Variants in DGKG observed in about 807,000 individuals in gnomAD.
DGKG encodes DAG kinase gamma.
In DGKG, 78 loss-of-function variants were observed where a neutral mutation model predicts 105.3. The ratio of observed to expected loss-of-function variants is 0.74; its 90% CI spans 0.62 to 0.89. The LOEUF is 0.89. Ranked by LOEUF, DGKG falls within the 40% of genes least tolerant of loss-of-function variation. DGKG has a pLI of 0.00. For missense variants in DGKG, 958 were observed against 1,020.1 expected (o/e 0.94, Z 0.83); for synonymous variants, 346 against 367.1 (o/e 0.94, Z 0.66).
chr3:186,202,468 G>A (rs1328759435), intron 21 of DGKG, among the ~76,000 whole-genome samples: 2 of 152,232 alleles, frequency 1.3e-5, no homozygotes, highest in African/African-American at 4.8e-5. Context: ...GAAAAGGATT[G>A]TAATGTTTCT....
At chr3:186,260,276 C>T (rs1408125864) in intron 16 of DGKG, among the ~76,000 whole-genome samples, 163 bp downstream of exon 16, 10 of 151,974 alleles carry the variant, frequency 6.6e-5, no homozygotes, top group Non-Finnish European at 1.2e-4. Context: ...TGAGTATCTC[C>T]AGGAGTCAGA....
intron 2 of DGKG, among the ~76,000 whole-genome samples, chr3:186,309,812 G>A (rs531785787): frequency 1.3e-5 from 2 of 152,138 alleles, no homozygotes; most frequent in South Asian, 4.1e-4. Flanking sequence ...CTAAAGAGCT[G>A]CTGCTCTATT....
At chr3:186,299,804 T>TCTTTCTTTCTTTCTTTCTTTCTTTCTTA (rs1723798478) in intron 3 of DGKG, among the ~76,000 whole-genome samples, 1 of 99,192 alleles carries the variant, frequency 1.0e-5, no homozygotes, top group African/African-American at 4.0e-5. Context: ...TTTCTTTCTT[T>TCTTTCTTTCTTTCTTTCTTTCTTTCTTA]CTTTCTTTCT....
At chr3:186,150,590 A>T (rs1271048032) in intron 24 of DGKG, among the ~76,000 whole-genome samples, 2 of 152,156 alleles carry the variant, frequency 1.3e-5, no homozygotes, top group Non-Finnish European at 2.9e-5. Flanking sequence ...AGTTCTTCAG[A>T]TTCCCAGCCT....
intron 3 of DGKG, among the ~76,000 whole-genome samples, chr3:186,299,835 TTC>T (rs1723821841): frequency 8.8e-6 from 1 of 113,204 alleles, no homozygotes; most frequent in African/African-American, 3.4e-5. Context: ...CTTTCTTTCT[TTC>T]TTTTTTTTTT....
chr3:186,288,222 T>C (rs575079362), intron 6 of DGKG, among the ~76,000 whole-genome samples: 14 of 152,106 alleles, frequency 9.2e-5, no homozygotes, highest in African/African-American at 9.7e-5. Context: ...GGGGCATAGG[T>C]AGAGAAATGG....
At chr3:186,289,894 G>A (rs143931691) in intron 5 of DGKG, among the ~76,000 whole-genome samples, 2 of 152,278 alleles carry the variant, frequency 1.3e-5, no homozygotes, top group African/African-American at 2.4e-5. Context: ...CCAAGCAATG[G>A]GAGTGAATAT....
chr3:186,287,950 T>C (rs1723145000), intron 6 of DGKG, among the ~76,000 whole-genome samples: 1 of 152,238 alleles, frequency 6.6e-6, no homozygotes, highest in African/African-American at 2.4e-5. Flanking sequence ...AATACAGATT[T>C]TTTAACAAGG....
intron 2 of DGKG, among the ~76,000 whole-genome samples, chr3:186,310,147 A>G (rs1436208482): frequency 4.0e-5 from 6 of 150,770 alleles, no homozygotes; most frequent in Non-Finnish European, 8.9e-5. Context: ...CGTGCCTGTA[A>G]TCCCAGCTAC....
intron 5 of DGKG, among the ~76,000 whole-genome samples, chr3:186,295,289 T>C (rs766132540): frequency 9.9e-5 from 15 of 151,976 alleles, no homozygotes; most frequent in Non-Finnish European, 2.1e-4. Context: ...GATCACGAGG[T>C]CAGGAGATCG....
Position 186,240,416 on chromosome 3 carries a change from T to C in DGKG, c.1826+2088A>G, listed in dbSNP as rs1216909883. ...CCTGTAGAACAGTGTCTGGTGTGCA[T>C]TACGTTTTCAAAAGATCTGCTGAAT... On this transcript the variant is annotated intron_variant, in intron 20 of 24. Coordinates refer to ENST00000265022, the MANE Select transcript of DGKG (RefSeq NM_001346.3). 7.9e-5 allele frequency among the ~76,000 whole-genome samples: 12 copies of C among 152,296 alleles called. No individual in the cohort carries two copies. In the East Asian group the frequency reaches 2.3e-3, roughly 29 times the overall value.
Position 186,355,471 on chromosome 3 carries a change from C to A in DGKG, c.-249+6475G>T, listed in dbSNP as rs558927353. Among the ~76,000 whole-genome samples the A allele has an allele frequency of 8.9e-4, 132 of 147,798 alleles. 1 individual carries two copies. The highest frequency in any genetic ancestry group is 3.3e-3 in the African/African-American group (126 of 38,706). On this transcript the variant is annotated intron_variant, in intron 1 of 24. Coordinates refer to ENST00000265022, the MANE Select transcript of DGKG (RefSeq NM_001346.3). ...GATCATCACCACCATTATCATAACC[C>A]CCACAACCACTACCATCACCACTAT...
chr3:186,339,374 A>T (rs965011294), intron 1 of DGKG, among the ~76,000 whole-genome samples: 2 of 152,230 alleles, frequency 1.3e-5, no homozygotes, highest in Non-Finnish European at 2.9e-5. Context: ...TGATGTTGAC[A>T]TGGTTGACTG....
At chr3:186,175,135 C>T (rs1046715232) in intron 22 of DGKG, among the ~76,000 whole-genome samples, 2 of 152,166 alleles carry the variant, frequency 1.3e-5, no homozygotes, top group Non-Finnish European at 2.9e-5. Flanking sequence ...CCTCAGTTTC[C>T]TCCAGTTGAG....
At position 186,297,625 on chromosome 3, in the gene DGKG, G is replaced by A. The variant is rs112850236; in HGVS notation, c.311-142C>T. ...TTATGTGTCAGCTGGGTTCATGCTC[G>A]CTTATTGGGATTGGCTGTGTCTCCC... On this transcript the variant is annotated intron_variant, in intron 4 of 24. Transcript: ENST00000265022. 133 of 657,412 alleles carry A rather than the reference G, an allele frequency of 2.0e-4. No individual in the cohort carries two copies. The East Asian group carries it at 2.4e-3, about 12-fold the overall frequency. 40.7% of individuals were successfully genotyped at this position (657,412 alleles called of 1,614,324 possible).
intron 20 of DGKG, among the ~76,000 whole-genome samples, chr3:186,236,036 A>T (rs1300998138): frequency 1.3e-5 from 2 of 152,106 alleles, no homozygotes. Context: ...TTGGCACTGG[A>T]CTTCGAATCT....
At chr3:186,227,398 C>T (rs746528721) in intron 20 of DGKG, among the ~76,000 whole-genome samples, 25 of 152,250 alleles carry the variant, frequency 1.6e-4, no homozygotes, top group Non-Finnish European at 2.9e-4. Flanking sequence ...GTAACTTTCC[C>T]AATGGCACAC....
Position 186,188,263 on chromosome 3 carries a change from A to G in DGKG, c.2034T>C (p.Ala678=). The change falls in exon 22 of 25, where the codon GCT becomes GCC. Residue 678 remains alanine (A), a synonymous_variant. Transcript: ENST00000265022. The part of the protein sequence containing the change: ...NLWGENKKNR[A]VIRESRKGVT... ...CACCCTTCCTGCTTTCCCGGATCACAGCCCGGTTCTTCTTGTTTTCTCCCC... is the reference window on the plus strand; with the variant it reads ...CACCCTTCCTGCTTTCCCGGATCACGGCCCGGTTCTTCTTGTTTTCTCCCC... 6.2e-7 allele frequency: 1 copy of G among 1,614,186 alleles called. No individual in the cohort carries two copies. Among genetic ancestry groups the G allele is most frequent in the Non-Finnish European group, 8.5e-7 (1 of 1,180,040 alleles).
chr3:186,224,421 T>C (rs1359717587), intron 20 of DGKG, among the ~76,000 whole-genome samples: 3 of 152,156 alleles, frequency 2.0e-5, no homozygotes, highest in African/African-American at 7.2e-5. Context: ...CTAGAGATAC[T>C]AACCAGGATT....
Sources: allele counts gnomAD v4.1 joint callset (sites outside exome capture counted in the v4.1 genomes callset), GRCh38; gene constraint gnomAD v4.1.1; transcripts MANE v1.5; gene names NCBI Gene and HGNC (gene_info 2026-07-23, HGNC 2026-07-21).